Variants in NEDD9 observed in about 807,000 individuals in gnomAD.
The protein encoded by NEDD9 is enhancer of filamentation 1.
In NEDD9, 26 loss-of-function variants were observed where a neutral mutation model predicts 76.6. The ratio of observed to expected loss-of-function variants is 0.34; its 90% CI spans 0.25 to 0.47. NEDD9 has a LOEUF of 0.47. Ranked by LOEUF, NEDD9 falls within the 20% of genes least tolerant of loss-of-function variation. The pLI is 1.00. For synonymous variants in NEDD9, 392 were observed against 414.2 expected, an observed-to-expected ratio of 0.95 and a Z score of 0.65; for missense variants, 937 against 1,058.5, an observed-to-expected ratio of 0.89 and a Z score of 1.59.
At chr6:11,321,049 CAG>C (rs770960027) in intron 2 of NEDD9, among the ~76,000 whole-genome samples, 8 of 141,758 alleles carry the variant, frequency 5.6e-5, no homozygotes, top group Non-Finnish European at 1.1e-4. Context: ...TTAACCATGA[CAG>C]AGAGAGAGAG....
At chr6:11,240,498 C>T (rs1351777437) in intron 3 of NEDD9, among the ~76,000 whole-genome samples, 2 of 152,138 alleles carry the variant, frequency 1.3e-5, no homozygotes, top group African/African-American at 2.4e-5. Context: ...CACGTAAAAC[C>T]GTGTCACTAC....
chr6:11,226,325 C>G (rs924462563), intron 1 of NEDD9, among the ~76,000 whole-genome samples: 1 of 152,086 alleles, frequency 6.6e-6, no homozygotes, highest in Non-Finnish European at 1.5e-5. Context: ...CCTAGGAAAC[C>G]GTCAGTTACT....
At chr6:11,234,862 C>T (rs113493284), upstream of NEDD9, among the ~76,000 whole-genome samples, 1,091 of 152,138 alleles carry the variant, frequency 7.2e-3, 8 homozygotes, top group African/African-American at 0.025. Context: ...ATGTGTCTGC[C>T]ACCATACCTG....
chr6:11,321,934 C>T (rs2113473887), intron 2 of NEDD9, among the ~76,000 whole-genome samples: 1 of 152,244 alleles, frequency 6.6e-6, no homozygotes, highest in Non-Finnish European at 1.5e-5. Flanking sequence ...AATTGATGCC[C>T]ATCAACGAGA....
chr6:11,375,266 C>G (rs1159199546), intron 1 of NEDD9, among the ~76,000 whole-genome samples: 1 of 152,084 alleles, frequency 6.6e-6, no homozygotes, highest in Non-Finnish European at 1.5e-5. Context: ...TCATGTTGAC[C>G]CTAGAGCAAG....
At chr6:11,255,185 T>A (rs1280167236) in intron 3 of NEDD9, among the ~76,000 whole-genome samples, 1 of 152,188 alleles carries the variant, frequency 6.6e-6, no homozygotes, top group East Asian at 1.9e-4. Context: ...AAGAATCTTA[T>A]GGGCAGAGAT....
At chr6:11,357,765 T>C (rs1762605972) in intron 1 of NEDD9, among the ~76,000 whole-genome samples, 1 of 152,194 alleles carries the variant, frequency 6.6e-6, no homozygotes, top group South Asian at 2.1e-4. Context: ...CAGGAAGCAG[T>C]CCTTGGAAAG....
intron 1 of NEDD9, among the ~76,000 whole-genome samples, chr6:11,381,351 G>C (rs763458421): frequency 3.3e-5 from 5 of 152,182 alleles, no homozygotes; most frequent in Non-Finnish European, 5.9e-5. Context: ...ATTGGTGGCC[G>C]ATCTCTGCAT....
At chr6:11,255,973 C>T (rs981736674) in intron 3 of NEDD9, among the ~76,000 whole-genome samples, 6 of 151,970 alleles carry the variant, frequency 3.9e-5, no homozygotes, top group African/African-American at 7.3e-5. Context: ...TTTTTTGCTA[C>T]GGAGGAATAC....
chr6:11,185,345 G>A lies in NEDD9; in HGVS notation c.2322C>T (p.Asn774=). The A allele has an allele frequency of 6.2e-7, 1 of 1,614,168 alleles. No homozygotes were observed. Among genetic ancestry groups the A allele is most frequent in the Non-Finnish European group, 8.5e-7 (1 of 1,180,046 alleles). ...TRQVTAQDIR[N]KVMNSSNQLC... ...GCTGGTTGCTGGAGTTCATGACTTTGTTGCGAATGTCCTGGGCAGTCACCT... is the reference window on the plus strand; with the variant it reads ...GCTGGTTGCTGGAGTTCATGACTTTATTGCGAATGTCCTGGGCAGTCACCT... The change falls in exon 7 of 7, where the codon AAC becomes AAT. Residue 774 remains asparagine (N), a synonymous_variant. Transcript: ENST00000379446.
intron 2 of NEDD9, among the ~76,000 whole-genome samples, chr6:11,313,783 G>T (rs1317161764): frequency 1.3e-5 from 2 of 152,160 alleles, no homozygotes; most frequent in African/African-American, 4.8e-5. Flanking sequence ...TAGGAGAAAG[G>T]TGCCAATTTT....
chr6:11,268,224 G>T (rs1449766054), intron 3 of NEDD9, among the ~76,000 whole-genome samples: 2 of 151,944 alleles, frequency 1.3e-5, no homozygotes, highest in Admixed American at 6.6e-5. Context: ...AATAGAGTCG[G>T]GGTTTCGCCA....
Position 11,190,814 on chromosome 6 carries a change from G to A in NEDD9, c.1055C>T (p.Pro352Leu), listed in dbSNP as rs776709745. The change falls in exon 5 of 7, where the codon CCG becomes CTG. Residue 352 changes from proline (P) to leucine (L), a missense_variant. Physicochemically the swap from Pro to Leu is moderately conservative, Grantham distance 98. Transcript: ENST00000379446. The surrounding 1 kb of genome is among the most constrained non-coding windows in gnomAD (Gnocchi z 5.8). ...GTCCCGAGAGCCTTTAGCATCTGGC[G>A]GGTTATGCAGAGGGACATCATAAAC... ...DGVYDVPLHN[P>L]PDAKGSRDLV... 39 of 1,614,128 alleles carry A rather than the reference G, an allele frequency of 2.4e-5. 1 individual carries two copies. Among genetic ancestry groups the A allele is most frequent in the South Asian group, 2.4e-4 (22 of 91,084 alleles).
intron 2 of NEDD9, among the ~76,000 whole-genome samples, chr6:11,309,087 A>G (rs191019690): frequency 6.6e-6 from 1 of 152,270 alleles, no homozygotes; most frequent in Non-Finnish European, 1.5e-5. Context: ...TCTGTGCTTT[A>G]CTATGTCACT....
chr6:11,205,248 C>T (rs1053463309), intron 2 of NEDD9, among the ~76,000 whole-genome samples: 5 of 152,170 alleles, frequency 3.3e-5, no homozygotes, highest in African/African-American at 4.8e-5. Context: ...GTGCACCTCA[C>T]GAGGCTGTGG....
chr6:11,243,940 C>A (rs1410885627), intron 3 of NEDD9, among the ~76,000 whole-genome samples: 1 of 152,180 alleles, frequency 6.6e-6, no homozygotes, highest in Non-Finnish European at 1.5e-5. Flanking sequence ...GCCATGCATG[C>A]TACCCAGATA....
chr6:11,233,246 T>C (rs1206715134), upstream of NEDD9: 1 of 518,910 alleles, frequency 1.9e-6, no homozygotes, highest in Non-Finnish European at 3.8e-6. Flanking sequence ...CAAAGTACTT[T>C]GCGATGTCAG....
At chr6:11,296,671 T>C (rs866341217) in intron 3 of NEDD9, among the ~76,000 whole-genome samples, 2,218 of 93,952 alleles carry the variant, frequency 0.024, 22 homozygotes, top group African/African-American at 0.048. Context: ...TTTCCTTTCC[T>C]TTCCTTTCCC....
At chr6:11,203,093 G>GT (rs1758502738) in intron 2 of NEDD9, among the ~76,000 whole-genome samples, 1 of 152,200 alleles carries the variant, frequency 6.6e-6, no homozygotes, top group Non-Finnish European at 1.5e-5. Flanking sequence ...TAGTTATAGA[G>GT]TGACCAAGCA....
Sources: gnomAD v4.1 joint callset for allele counts (sites outside exome capture counted in the v4.1 genomes callset) on GRCh38, gnomAD v4.1.1 for gene constraint, Gnocchi (gnomAD v3.1) non-coding constraint, MANE v1.5 for transcripts, NCBI Gene and HGNC (gene_info 2026-07-23, HGNC 2026-07-21) for gene names.